Variants in CNTN5 observed in about 807,000 individuals in gnomAD.
CNTN5 encodes the protein contactin 5, also known as contactin-5.
In CNTN5, 77 loss-of-function variants were observed where a neutral mutation model predicts 129.1. That is an observed-to-expected ratio of 0.60 (90% CI 0.50 to 0.72). The LOEUF (loss-of-function observed/expected upper bound fraction) is 0.72. Among genes scored for constraint, CNTN5 ranks in the 30% least tolerant of loss-of-function variants. The pLI is 0.00. For synonymous variants in CNTN5, 509 were observed against 465.6 expected (o/e 1.09, Z -1.20); for missense variants, 1,478 against 1,328.8 (o/e 1.11, Z -1.75).
At chr11:99,910,786 C>G (rs1426404098) in intron 6 of CNTN5, among the ~76,000 whole-genome samples, 1 of 151,948 alleles carries the variant, frequency 6.6e-6, no homozygotes, top group Non-Finnish European at 1.5e-5. Context: ...CTTTTCTAAA[C>G]ATTTAGAAGG....
At chr11:100,166,367 C>T (rs1032265666) in intron 13 of CNTN5, among the ~76,000 whole-genome samples, 7 of 151,768 alleles carry the variant, frequency 4.6e-5, no homozygotes, top group East Asian at 3.9e-4. Flanking sequence ...GTAAACATCT[C>T]ATTACCAAGA....
intron 6 of CNTN5, among the ~76,000 whole-genome samples, chr11:99,870,410 G>A (rs1948472781): frequency 6.6e-6 from 1 of 151,946 alleles, no homozygotes; most frequent in Non-Finnish European, 1.5e-5. Flanking sequence ...TAATAGCAAG[G>A]AAGCTTTTCT....
intron 1 of CNTN5, among the ~76,000 whole-genome samples, chr11:99,275,692 T>G (rs879572481): frequency 1.3e-5 from 2 of 151,618 alleles, no homozygotes; most frequent in Non-Finnish European, 1.5e-5. Context: ...GGAAACTAAG[T>G]GTATTCAACT....
At chr11:99,899,549 C>G (rs555278953) in intron 6 of CNTN5, among the ~76,000 whole-genome samples, 2 of 152,110 alleles carry the variant, frequency 1.3e-5, no homozygotes, top group South Asian at 4.1e-4. Context: ...GTATATTGAG[C>G]CATCCTTGCA....
chr11:99,112,748 A>G (rs905435653), intron 1 of CNTN5, among the ~76,000 whole-genome samples: 2 of 151,994 alleles, frequency 1.3e-5, no homozygotes, highest in African/African-American at 2.4e-5. Flanking sequence ...GGCTTATTCT[A>G]TTTTTACACT....
At chr11:99,299,695 A>G (rs980111818) in intron 1 of CNTN5, among the ~76,000 whole-genome samples, 3 of 152,114 alleles carry the variant, frequency 2.0e-5, no homozygotes, top group African/African-American at 4.8e-5. Flanking sequence ...ATGGTCCCCA[A>G]CTCAATCCAT....
chr11:99,180,654 G>T (rs2135563284), intron 1 of CNTN5, among the ~76,000 whole-genome samples: 1 of 152,226 alleles, frequency 6.6e-6, no homozygotes, highest in East Asian at 1.9e-4. Context: ...GTTCAATTGA[G>T]TTCAAATTTA....
chr11:99,736,048 C>T (rs565380254), intron 3 of CNTN5, among the ~76,000 whole-genome samples: 7 of 151,856 alleles, frequency 4.6e-5, no homozygotes, highest in Non-Finnish European at 1.0e-4. Context: ...CTTTCTCTTT[C>T]TCTGTCCCTC....
intron 1 of CNTN5, among the ~76,000 whole-genome samples, chr11:99,292,434 T>G (rs572919564): frequency 6.6e-6 from 1 of 151,978 alleles, no homozygotes; most frequent in Non-Finnish European, 1.5e-5. Flanking sequence ...AAGGACGATT[T>G]GCTGTTTTCA....
At chr11:99,994,374 G>T (rs1177047402) in intron 8 of CNTN5, among the ~76,000 whole-genome samples, 1 of 151,888 alleles carries the variant, frequency 6.6e-6, no homozygotes, top group Non-Finnish European at 1.5e-5. Context: ...TATAAAAGTG[G>T]GTTCTACAAA....
chr11:99,890,551 T>A (rs1484467185), intron 6 of CNTN5, among the ~76,000 whole-genome samples: 3 of 149,532 alleles, frequency 2.0e-5, no homozygotes, highest in Non-Finnish European at 2.9e-5. Context: ...CATACATATA[T>A]GATTGAAATA....
At chr11:100,246,240 C>A (rs1288415925) in intron 16 of CNTN5, among the ~76,000 whole-genome samples, 1 of 152,064 alleles carries the variant, frequency 6.6e-6, no homozygotes, top group Non-Finnish European at 1.5e-5. Flanking sequence ...ACATACATCA[C>A]CCTATGTATT....
intron 3 of CNTN5, among the ~76,000 whole-genome samples, chr11:99,788,387 G>T (rs1945614020): frequency 6.6e-6 from 1 of 151,866 alleles, no homozygotes; most frequent in South Asian, 2.1e-4. Context: ...TCTTAGAGGT[G>T]AACACGCTCA....
At chr11:100,052,412 C>T (rs1220345321) in intron 9 of CNTN5, among the ~76,000 whole-genome samples, 1 of 151,654 alleles carries the variant, frequency 6.6e-6, no homozygotes. Context: ...ATAAACCTGC[C>T]TCTGATTGGA....
At chr11:99,975,987 C>T (rs1565744454) in intron 8 of CNTN5, among the ~76,000 whole-genome samples, 1 of 152,144 alleles carries the variant, frequency 6.6e-6, no homozygotes, top group East Asian at 1.9e-4. Flanking sequence ...AATAAAAAAA[C>T]AAGTTAGTTA....
intron 13 of CNTN5, among the ~76,000 whole-genome samples, chr11:100,139,178 GAGATGTAGT>G (rs1358093042): frequency 6.6e-6 from 1 of 152,092 alleles, no homozygotes; most frequent in Admixed American, 6.6e-5. Context: ...TTGGTAGCAG[GAGATGTAGT>G]CACAGGGCAG....
chr11:99,372,027 T>A (rs570513366), intron 2 of CNTN5, among the ~76,000 whole-genome samples: 34 of 152,284 alleles, frequency 2.2e-4, no homozygotes, highest in African/African-American at 7.2e-4. Context: ...CGAAAGAGAA[T>A]CCACATAAGG....
intron 3 of CNTN5, among the ~76,000 whole-genome samples, chr11:99,643,316 G>A (rs1951837531): frequency 6.6e-6 from 1 of 152,038 alleles, no homozygotes; most frequent in African/African-American, 2.4e-5. Context: ...ATGCACAGAG[G>A]TAATCTGAAT....
At chr11:100,215,709 A>T (rs1039503087) in intron 15 of CNTN5, among the ~76,000 whole-genome samples, 1 of 152,160 alleles carries the variant, frequency 6.6e-6, no homozygotes, top group African/African-American at 2.4e-5. Flanking sequence ...GAAGCTGGGG[A>T]TATTAAATGT....
Sources: gnomAD v4.1 joint callset for allele counts (sites outside exome capture counted in the v4.1 genomes callset) on GRCh38, gnomAD v4.1.1 for gene constraint, MANE v1.5 for transcripts, NCBI Gene and HGNC (gene_info 2026-07-23, HGNC 2026-07-21) for gene names.